GNG12: variants seen among roughly 807,000 people sequenced by gnomAD.
The protein encoded by GNG12 is G protein subunit gamma 12.
For synonymous variants in GNG12, 28 were observed against 29.7 expected (o/e 0.94, Z 0.19); for missense variants, 69 against 83.8 (o/e 0.82, Z 0.69).
chr1:67,748,385 T>C (rs1301961149), intron 2 of GNG12, among the ~76,000 whole-genome samples: 3 of 152,218 alleles, frequency 2.0e-5, no homozygotes, highest in Non-Finnish European at 4.4e-5. Flanking sequence ...CATAGGCTAC[T>C]GGGAAGATGT....
chr1:67,731,715 A>C (rs1012875695), intron 2 of GNG12, among the ~76,000 whole-genome samples: 9 of 152,262 alleles, frequency 5.9e-5, no homozygotes, highest in Non-Finnish European at 1.2e-4. Flanking sequence ...AAGCTACTGA[A>C]AAATTTAAAG....
chr1:67,714,985 C>T (rs148139962), intron 2 of GNG12, among the ~76,000 whole-genome samples: 5 of 152,104 alleles, frequency 3.3e-5, no homozygotes, highest in Non-Finnish European at 4.4e-5. Context: ...TGCAGTGGCG[C>T]GATCTCGGCT....
intron 1 of GNG12, among the ~76,000 whole-genome samples, chr1:67,804,360 A>C (rs1401307070): frequency 6.6e-6 from 1 of 152,206 alleles, no homozygotes; most frequent in South Asian, 2.1e-4. Context: ...GCCATTAGAA[A>C]CAAAAACCAA....
At chr1:67,766,163 C>T (rs2100746958) in intron 2 of GNG12, among the ~76,000 whole-genome samples, 1 of 146,662 alleles carries the variant, frequency 6.8e-6, no homozygotes, top group Non-Finnish European at 1.5e-5. Flanking sequence ...TAAACAATGC[C>T]CTCATAGACA....
chr1:67,770,582 C>T (rs533688513), intron 2 of GNG12, among the ~76,000 whole-genome samples: 53 of 152,038 alleles, frequency 3.5e-4, no homozygotes, highest in African/African-American at 1.2e-3. Flanking sequence ...AAAGAGAGTC[C>T]GACTGGAAAC....
intron 1 of GNG12, among the ~76,000 whole-genome samples, chr1:67,817,189 A>G (rs1336594821): frequency 6.6e-6 from 1 of 152,238 alleles, no homozygotes; most frequent in African/African-American, 2.4e-5. Context: ...ATAGCATGCT[A>G]CTGGGAACCC....
At chr1:67,781,523 G>C (rs978233304) in intron 1 of GNG12, among the ~76,000 whole-genome samples, 1 of 152,104 alleles carries the variant, frequency 6.6e-6, no homozygotes, top group African/African-American at 2.4e-5. Context: ...AAGTAAATAA[G>C]ATCATTTTAA....
chr1:67,720,000 T>C (rs1479375403), intron 2 of GNG12, among the ~76,000 whole-genome samples: 2 of 152,232 alleles, frequency 1.3e-5, no homozygotes, highest in Admixed American at 6.5e-5. Flanking sequence ...GTGCCCAGTG[T>C]TTGTTTTCTT....
chr1:67,766,054 A>T (rs1413512581), intron 2 of GNG12, among the ~76,000 whole-genome samples: 2 of 151,528 alleles, frequency 1.3e-5, no homozygotes, highest in African/African-American at 2.4e-5. Context: ...ATTCAACCCT[A>T]AGTTTACAAT....
chr1:67,736,046 C>T (rs920973684), intron 2 of GNG12, among the ~76,000 whole-genome samples: 6 of 152,054 alleles, frequency 3.9e-5, no homozygotes, highest in South Asian at 2.1e-4. Flanking sequence ...CACTTTCTTG[C>T]GGGGGGTAGA....
At chr1:67,738,587 A>C (rs1646465085) in intron 2 of GNG12, among the ~76,000 whole-genome samples, 1 of 152,146 alleles carries the variant, frequency 6.6e-6, no homozygotes, top group South Asian at 2.1e-4. Context: ...TGCATCTCAA[A>C]GTTTACACGT....
At chr1:67,746,463 C>T (rs1196610107) in intron 2 of GNG12, among the ~76,000 whole-genome samples, 1 of 152,070 alleles carries the variant, frequency 6.6e-6, no homozygotes. Flanking sequence ...ATCCCTTCTT[C>T]TCAGCAATCA....
At chr1:67,810,402 T>C (rs1389048098) in intron 1 of GNG12, among the ~76,000 whole-genome samples, 2 of 152,208 alleles carry the variant, frequency 1.3e-5, no homozygotes, top group African/African-American at 4.8e-5. Flanking sequence ...ATGTAAACTA[T>C]GAACCTTGGC....
chr1:67,727,082 C>G (rs913918223), intron 2 of GNG12, among the ~76,000 whole-genome samples: 2 of 152,312 alleles, frequency 1.3e-5, no homozygotes, highest in East Asian at 3.9e-4. Flanking sequence ...AATAGGGCTG[C>G]GTCCAAGGGT....
intron 2 of GNG12, among the ~76,000 whole-genome samples, chr1:67,776,413 T>C (rs1646705551): frequency 6.6e-6 from 1 of 152,186 alleles, no homozygotes; most frequent in South Asian, 2.1e-4. Context: ...GTAGCTCCTC[T>C]GTCATATATT....
intron 2 of GNG12, among the ~76,000 whole-genome samples, chr1:67,743,885 G>A (rs914760593): frequency 6.6e-6 from 1 of 152,146 alleles, no homozygotes; most frequent in Non-Finnish European, 1.5e-5. Context: ...ACAATTTTCT[G>A]GAAATATATC....
intron 2 of GNG12, among the ~76,000 whole-genome samples, chr1:67,747,245 G>A (rs917036132): frequency 1.3e-5 from 2 of 152,194 alleles, no homozygotes; most frequent in African/African-American, 2.4e-5. Context: ...TCAATCTCCT[G>A]AGTAGCTGGG....
intron 2 of GNG12, among the ~76,000 whole-genome samples, chr1:67,738,781 G>C (rs981007132): frequency 6.6e-6 from 1 of 152,186 alleles, no homozygotes; most frequent in Non-Finnish European, 1.5e-5. Flanking sequence ...CTGAAGCTGG[G>C]GGCATGAGGA....
chr1:67,784,528 A>G (rs971011655), intron 1 of GNG12, among the ~76,000 whole-genome samples: 2 of 151,040 alleles, frequency 1.3e-5, no homozygotes, highest in African/African-American at 4.9e-5. Context: ...AAAAAAAAAG[A>G]CTTTTATTTT....
Sources: allele counts gnomAD v4.1 joint callset (sites outside exome capture counted in the v4.1 genomes callset), GRCh38; gene constraint gnomAD v4.1.1; transcripts MANE v1.5; gene names NCBI Gene and HGNC (gene_info 2026-07-23, HGNC 2026-07-21).